Variants in LOXHD1 observed in about 807,000 individuals in gnomAD.
LOXHD1 encodes lipoxygenase homology domain-containing protein 1.
In LOXHD1, 205 loss-of-function variants were observed where a neutral mutation model predicts 248.2. The ratio of observed to expected loss-of-function variants is 0.83; its 90% CI spans 0.74 to 0.93. The LOEUF is 0.93. Ranked by LOEUF, LOXHD1 falls within the 40% of genes least tolerant of loss-of-function variation. The pLI is 0.00. For synonymous variants in LOXHD1, 1,113 were observed against 1,162.8 expected, an observed-to-expected ratio of 0.96 and a Z score of 0.87; for missense variants, 2,930 against 2,971.6, an observed-to-expected ratio of 0.99 and a Z score of 0.33.
chr18:46,636,795 C>T (rs8090543), intron 4 of LOXHD1, among the ~76,000 whole-genome samples: 12,899 of 152,222 alleles, frequency 0.085, 636 homozygotes, highest in African/African-American at 0.13. Flanking sequence ...ACCAAGTTGA[C>T]GTAATTTCAG....
intron 6 of LOXHD1, among the ~76,000 whole-genome samples, chr18:46,605,417 C>CTCAGGAGGCTGAT (rs71162811): frequency 2.0e-5 from 3 of 151,856 alleles, no homozygotes; most frequent in African/African-American, 7.3e-5. Context: ...GTCTCAGCTA[C>CTCAGGAGGCTGAT]GCAGGAGAAT....
chr18:46,546,958 T>C lies in LOXHD1; in HGVS notation c.3451A>G (p.Ser1151Gly). ...TCACCGCCTCCCCTACCCTCCTCGC[T>C]CTGTGGCAGCACATAGGACTCATCC... The part of the protein sequence containing the change: ...PVDESYVLPQ[S>G]EEGRGGGDNN... Residue 1151 changes from serine to glycine, a missense_variant, in exon 22 of 41, where the codon AGC becomes GGC. Ser to Gly is a moderately conservative substitution (Grantham distance 56, BLOSUM62 0). Coordinates refer to ENST00000642948, the MANE Select transcript of LOXHD1 (RefSeq NM_001384474.1). The C allele has an allele frequency of 6.4e-7, 1 of 1,551,714 alleles. No homozygotes were observed. Among genetic ancestry groups the C allele is most frequent in the African/African-American group, 1.4e-5 (1 of 73,166 alleles).
chr18:46,547,721 TCTACCACTAATA>T (rs1475107319), intron 21 of LOXHD1, among the ~76,000 whole-genome samples: 2 of 152,200 alleles, frequency 1.3e-5, no homozygotes, highest in Non-Finnish European at 2.9e-5. Flanking sequence ...AAATTTTGGC[TCTACCACTAATA>T]CTTGTGCAAT....
chr18:46,558,342 A>G (rs2037423370), intron 20 of LOXHD1, among the ~76,000 whole-genome samples: 1 of 152,222 alleles, frequency 6.6e-6, no homozygotes. Context: ...ATATTCTCAT[A>G]TAATCACACT....
In LOXHD1 at chr18:46,533,238, A is replaced by G; in HGVS notation, c.4299T>C (p.Tyr1433=). 1 of 1,551,768 alleles carries G rather than the reference A, an allele frequency of 6.4e-7. No homozygotes were observed. Among genetic ancestry groups the G allele is most frequent in the Non-Finnish European group, 8.7e-7 (1 of 1,146,996 alleles). Reference sequence around the variant, plus strand: ...TCATGTATTTCTCAGTGAAGATGTCATATGGAACCAGTTCTCGAATGGTCT... The same window carrying G: ...TCATGTATTTCTCAGTGAAGATGTCGTATGGAACCAGTTCTCGAATGGTCT... ...DKKTIRELVP[Y]DIFTEKYMKD... Residue 1433 remains tyrosine (Y), a synonymous_variant, in exon 28 of 41, where the codon TAT becomes TAC. Transcript: ENST00000642948.
At position 46,599,349 on chromosome 18, in the gene LOXHD1, C is replaced by A. The variant is rs574360566; in HGVS notation, c.1134+1868G>T. On this transcript the variant is annotated intron_variant, in intron 8 of 40. Transcript: ENST00000642948. ...ATCAAGAATTCCAGGTGATTCTTAA[C>A]CTTGGTCAAGTTTTAAAAGCCCTTC... 3.3e-5 allele frequency among the ~76,000 whole-genome samples: 5 copies of A among 152,200 alleles called. No individual in the cohort carries two copies. In the South Asian group the frequency reaches 6.2e-4, roughly 19 times the overall value.
At chr18:46,530,304 C>G (rs1272029919) in intron 28 of LOXHD1, among the ~76,000 whole-genome samples, 4 of 152,146 alleles carry the variant, frequency 2.6e-5, no homozygotes, top group Non-Finnish European at 5.9e-5. Context: ...GCCACAGGGA[C>G]CCCTCACCTG....
At chr18:46,520,950 A>T in intron 33 of LOXHD1, 147 bp downstream of exon 33, 1 of 944,744 alleles carries the variant, frequency 1.1e-6, no homozygotes, top group Non-Finnish European at 1.6e-6. Context: ...CTAGCAAAGT[A>T]CATCTGGCTA....
chr18:46,560,048 T>TGGCGGGCC, intron 19 of LOXHD1, 35 bp downstream of exon 19: 2 of 1,226,298 alleles, frequency 1.6e-6, no homozygotes, highest in Non-Finnish European at 2.3e-6. Flanking sequence ...GTCTGGCCAC[T>TGGCGGGCC]CCCTCCCCAC....
At chr18:46,588,751 C>T (rs920263503) in intron 12 of LOXHD1, among the ~76,000 whole-genome samples, 6 of 152,264 alleles carry the variant, frequency 3.9e-5, no homozygotes, top group African/African-American at 1.4e-4. Context: ...TCTCTCTGTC[C>T]GATTTCAGAA....
chr18:46,520,381 G>C (rs1246959864), intron 33 of LOXHD1: 1 of 460,836 alleles, frequency 2.2e-6, no homozygotes, highest in Non-Finnish European at 4.5e-6. Context: ...GCCTTCTGTT[G>C]ACCCCATAGC....
intron 21 of LOXHD1, among the ~76,000 whole-genome samples, chr18:46,551,768 G>A (rs1184335063): frequency 6.6e-6 from 1 of 152,170 alleles, no homozygotes; most frequent in Non-Finnish European, 1.5e-5. Context: ...GAGGCTGTGT[G>A]CAGAGCCCAG....
chr18:46,486,732 T>A (rs1353339655), intron 38 of LOXHD1, among the ~76,000 whole-genome samples: 1 of 152,142 alleles, frequency 6.6e-6, no homozygotes, highest in Non-Finnish European at 1.5e-5. Context: ...CATATCACCG[T>A]GATGGACTCA....
At chr18:46,536,185 C>T (rs2036300092) in intron 26 of LOXHD1, among the ~76,000 whole-genome samples, 1 of 152,166 alleles carries the variant, frequency 6.6e-6, no homozygotes, top group Admixed American at 6.5e-5. Context: ...TGATACACAT[C>T]AGGTCCTTAG....
At chr18:46,515,910 C>T (rs1243579263) in intron 34 of LOXHD1, among the ~76,000 whole-genome samples, 2 of 152,166 alleles carry the variant, frequency 1.3e-5, no homozygotes, top group African/African-American at 2.4e-5. Context: ...CTAACCAGAC[C>T]GACGGACCAA....
At chr18:46,607,130 C>A (rs931991221) in intron 6 of LOXHD1, among the ~76,000 whole-genome samples, 33 of 151,300 alleles carry the variant, frequency 2.2e-4, no homozygotes, top group Non-Finnish European at 4.3e-4. Context: ...GATTGTGCCA[C>A]TGCACTCCAG....
intron 4 of LOXHD1, among the ~76,000 whole-genome samples, chr18:46,637,551 T>A (rs2038908403): frequency 6.6e-6 from 1 of 152,122 alleles, no homozygotes; most frequent in Non-Finnish European, 1.5e-5. Flanking sequence ...GAAGAACCTA[T>A]GAAATTCACC....
At chr18:46,559,008 C>T (rs951206031) in intron 20 of LOXHD1, 8 of 581,056 alleles carry the variant, frequency 1.4e-5, no homozygotes, top group Non-Finnish European at 2.3e-5. Context: ...CATATCTTTG[C>T]TCATGTGGTT....
chr18:46,619,130 A>T (rs1158584046), intron 4 of LOXHD1, among the ~76,000 whole-genome samples: 1 of 152,154 alleles, frequency 6.6e-6, no homozygotes. Flanking sequence ...CCAGCTTTTC[A>T]CTGGGTGCCA....
Sources: allele counts gnomAD v4.1 joint callset (sites outside exome capture counted in the v4.1 genomes callset), GRCh38; gene constraint gnomAD v4.1.1; transcripts MANE v1.5; gene names NCBI Gene and HGNC (gene_info 2026-07-23, HGNC 2026-07-21).